Variants in ANO6 observed in about 807,000 individuals in gnomAD.
The protein encoded by ANO6 is anoctamin-6.
A neutral mutation model predicts 117.5 loss-of-function variants in ANO6; 106 were observed. The observed-to-expected ratio is 0.90, with a 90% CI of 0.77 to 1.06. The LOEUF (loss-of-function observed/expected upper bound fraction) is 1.06. ANO6 is among the 50% of genes least tolerant of loss of function. ANO6 has a pLI of 0.00. For missense variants in ANO6, 955 were observed against 1,121.1 expected, an observed-to-expected ratio of 0.85 and a Z score of 2.12; for synonymous variants, 367 against 385.1, an observed-to-expected ratio of 0.95 and a Z score of 0.55.
At chr12:45,228,797 C>T (rs1401684950) in intron 1 of ANO6, among the ~76,000 whole-genome samples, 1 of 152,158 alleles carries the variant, frequency 6.6e-6, no homozygotes, top group African/African-American at 2.4e-5. Context: ...ACTCACGTTC[C>T]ACCTTGCCAG....
At chr12:45,322,309 G>A (rs367750595) in intron 2 of ANO6, among the ~76,000 whole-genome samples, 1 of 39,202 alleles carries the variant, frequency 2.6e-5, no homozygotes, top group Non-Finnish European at 6.5e-5. Flanking sequence ...GGTTAGGAGA[G>A]CAGGAGAGGA....
At chr12:45,219,423 C>T (rs931790848) in intron 1 of ANO6, among the ~76,000 whole-genome samples, 1 of 152,128 alleles carries the variant, frequency 6.6e-6, no homozygotes, top group East Asian at 1.9e-4. Flanking sequence ...GCAGCCTTGA[C>T]TTCCCAGGCT....
At chr12:45,302,451 A>G (rs1258257061) in intron 2 of ANO6, among the ~76,000 whole-genome samples, 1 of 152,308 alleles carries the variant, frequency 6.6e-6, no homozygotes, top group Middle Eastern at 3.4e-3. Flanking sequence ...AAGCATATAC[A>G]GGTATATTGA....
intron 3 of ANO6, among the ~76,000 whole-genome samples, chr12:45,338,557 A>G (rs978728547): frequency 2.0e-5 from 3 of 152,090 alleles, no homozygotes; most frequent in African/African-American, 7.2e-5. Context: ...AGTCAGATCT[A>G]TCTTTAGCTC....
intron 1 of ANO6, among the ~76,000 whole-genome samples, chr12:45,246,502 C>T (rs916501453): frequency 6.6e-6 from 1 of 152,102 alleles, no homozygotes; most frequent in Non-Finnish European, 1.5e-5. Context: ...AGAAAGTTTA[C>T]CAGCAGCCTG....
intron 1 of ANO6, among the ~76,000 whole-genome samples, chr12:45,293,502 C>CT (rs71093871): frequency 0.056 from 8,337 of 149,230 alleles, 548 homozygotes; most frequent in East Asian, 0.35. Context: ...AAAAATCACT[C>CT]TTTAAAAAAA....
chr12:45,408,020 A>G (rs17095862), intron 15 of ANO6, among the ~76,000 whole-genome samples: 4,597 of 152,218 alleles, frequency 0.03, 89 homozygotes, highest in African/African-American at 0.055. Flanking sequence ...CCCCTGAGTA[A>G]AGCTTCAGTA....
chr12:45,318,634 A>G (rs946183158), intron 2 of ANO6, among the ~76,000 whole-genome samples: 3 of 152,070 alleles, frequency 2.0e-5, no homozygotes, highest in Middle Eastern at 3.2e-3. Context: ...TATGAACTTT[A>G]AAGTAGTTTT....
chr12:45,439,693 A>G (rs1943748752), exon 20 of ANO6: 1 of 1,377,682 alleles, frequency 7.3e-7, no homozygotes, highest in Non-Finnish European at 9.5e-7. Flanking sequence ...TTTGTTGCCC[A>G]GGCTGGGACA....
intron 1 of ANO6, among the ~76,000 whole-genome samples, chr12:45,251,965 A>AACAGACATTT (rs1483975816): frequency 2.6e-5 from 4 of 152,226 alleles, no homozygotes; most frequent in African/African-American, 4.8e-5. Flanking sequence ...AGTATTTGCA[A>AACAGACATTT]ACAGACATTT....
At chr12:45,437,011 C>A (rs1255662131), downstream of ANO6, among the ~76,000 whole-genome samples, 6 of 152,060 alleles carry the variant, frequency 3.9e-5, no homozygotes, top group Admixed American at 2.6e-4. Flanking sequence ...TTCATCTAGG[C>A]CCCAGGGTTA....
chr12:45,432,380 T>A, downstream of ANO6: 7 of 728,488 alleles, frequency 9.6e-6, no homozygotes, highest in Non-Finnish European at 1.0e-5. Flanking sequence ...TGTCTTAACG[T>A]TTTTAAGGAA....
intron 1 of ANO6, among the ~76,000 whole-genome samples, chr12:45,299,979 A>G (rs993516147): frequency 5.9e-5 from 9 of 152,204 alleles, no homozygotes; most frequent in Non-Finnish European, 8.8e-5. Context: ...GGTTTTGTAA[A>G]CAATCACATA....
At chr12:45,422,383 C>G (rs142032692) in intron 18 of ANO6, among the ~76,000 whole-genome samples, 2 of 152,130 alleles carry the variant, frequency 1.3e-5, no homozygotes, top group East Asian at 3.9e-4. Flanking sequence ...GTTGGGAGAA[C>G]AAATTTAAAA....
intron 12 of ANO6, among the ~76,000 whole-genome samples, chr12:45,400,421 T>C (rs1434716762): frequency 6.6e-6 from 1 of 152,210 alleles, no homozygotes; most frequent in Non-Finnish European, 1.5e-5. Flanking sequence ...CTCACAAGTG[T>C]TGAGACTTAA....
chr12:45,367,624 G>T (rs997381379), intron 8 of ANO6, 64 bp from the exon 9 acceptor site: 1 of 1,285,888 alleles, frequency 7.8e-7, no homozygotes, highest in Admixed American at 1.8e-5. Flanking sequence ...ATTGTGAATG[G>T]ATATTAGATT....
At chr12:45,373,546 G>T (rs536766974) in intron 9 of ANO6, among the ~76,000 whole-genome samples, 17 of 152,262 alleles carry the variant, frequency 1.1e-4, no homozygotes, top group Non-Finnish European at 2.1e-4. Flanking sequence ...TAGAACTCAG[G>T]ATTAAGAAAC....
chr12:45,423,096 G>A (rs370747137), intron 19 of ANO6, 34 bp downstream of exon 19: 10 of 1,514,102 alleles, frequency 6.6e-6, no homozygotes, highest in Admixed American at 1.7e-5. Context: ...AGTTTATAAG[G>A]ATGTGTATTT....
intron 1 of ANO6, among the ~76,000 whole-genome samples, chr12:45,264,741 A>G (rs1183967573): frequency 1.3e-5 from 2 of 152,226 alleles, no homozygotes; most frequent in Non-Finnish European, 2.9e-5. Context: ...ATACAAAAAA[A>G]GTTAGCATTG....
Sources: allele counts gnomAD v4.1 joint callset (sites outside exome capture counted in the v4.1 genomes callset), GRCh38; gene constraint gnomAD v4.1.1; transcripts MANE v1.5; gene names NCBI Gene and HGNC (gene_info 2026-07-23, HGNC 2026-07-21).